Variants in FHIT observed in about 807,000 individuals in gnomAD.
The protein encoded by FHIT is bis(5'-adenosyl)-triphosphatase.
In FHIT, 19 loss-of-function variants were observed where a neutral mutation model predicts 17.9. The observed-to-expected ratio is 1.06, with a 90% confidence interval of 0.74 to 1.56. The LOEUF (loss-of-function observed/expected upper bound fraction) is 1.56, where lower values mean the gene tolerates loss of function less well. Ranked by LOEUF, FHIT falls within the 40% of genes most tolerant of loss-of-function variation. The pLI, the probability that FHIT is intolerant of heterozygous loss-of-function variation, is 0.00. For missense variants in FHIT, 248 were observed against 189.2 expected (o/e 1.31, Z -1.82); for synonymous variants, 81 against 69.7 (o/e 1.16, Z -0.81).
At chr3:60,387,279 C>A (rs1701050773) in intron 5 of FHIT, among the ~76,000 whole-genome samples, 1 of 152,100 alleles carries the variant, frequency 6.6e-6, no homozygotes, top group Non-Finnish European at 1.5e-5. Context: ...GTGTGAGCCA[C>A]CGTGCCCAGC....
intron 3 of FHIT, among the ~76,000 whole-genome samples, chr3:60,824,993 A>G (rs1702063877): frequency 6.6e-6 from 1 of 152,210 alleles, no homozygotes; most frequent in Non-Finnish European, 1.5e-5. Flanking sequence ...AAATGAAAAT[A>G]ATGGGATTCT....
chr3:60,669,813 G>A (rs1208558871), intron 4 of FHIT, among the ~76,000 whole-genome samples: 1 of 152,132 alleles, frequency 6.6e-6, no homozygotes, highest in Non-Finnish European at 1.5e-5. Flanking sequence ...AAAGCAAGCA[G>A]GAAGAGACCC....
At chr3:60,683,676 C>A (rs929647181) in intron 4 of FHIT, among the ~76,000 whole-genome samples, 1 of 152,162 alleles carries the variant, frequency 6.6e-6, no homozygotes, top group Non-Finnish European at 1.5e-5. Flanking sequence ...CATGCAGTAT[C>A]TCTGAGATAT....
At chr3:61,043,641 C>A (rs1294521631) in intron 2 of FHIT, among the ~76,000 whole-genome samples, 1 of 152,188 alleles carries the variant, frequency 6.6e-6, no homozygotes, top group Admixed American at 6.5e-5. Flanking sequence ...GGTTCTCCCA[C>A]CATGGAGTTT....
At chr3:61,136,233 C>A (rs1009973850) in intron 2 of FHIT, among the ~76,000 whole-genome samples, 1 of 151,870 alleles carries the variant, frequency 6.6e-6, no homozygotes. Flanking sequence ...CCCCACCCCC[C>A]TCACCCGACC....
intron 5 of FHIT, among the ~76,000 whole-genome samples, chr3:60,454,057 T>C (rs1281249027): frequency 6.6e-6 from 1 of 152,172 alleles, no homozygotes; most frequent in African/African-American, 2.4e-5. Context: ...GAGCTACTAA[T>C]CAAACCAGAA....
chr3:60,320,503 G>A (rs1364228296), intron 5 of FHIT, among the ~76,000 whole-genome samples: 1 of 152,134 alleles, frequency 6.6e-6, no homozygotes, highest in Non-Finnish European at 1.5e-5. Flanking sequence ...CAGCTGTAAC[G>A]CTAAACATAA....
intron 4 of FHIT, among the ~76,000 whole-genome samples, chr3:60,796,832 T>A (rs893929419): frequency 3.3e-5 from 5 of 152,190 alleles, no homozygotes; most frequent in Non-Finnish European, 7.4e-5. Flanking sequence ...TCTGCCCACC[T>A]CGGCCTCCCA....
rs528994090 is a variant in FHIT at position 61,122,164 on chromosome 3, C to T, written c.-164+78453G>A. Among the ~76,000 whole-genome samples, 96 of 152,170 alleles carry T rather than the reference C, an allele frequency of 6.3e-4. 1 individual carries two copies. The highest frequency in any genetic ancestry group is 2.7e-3 in the South Asian group (13 of 4,818). Reference sequence around the variant, plus strand: ...ACTGGTACCAAAACAGAGATATAGACCAATGGAACAGAACAGAGCCCTCAG... The same window carrying T: ...ACTGGTACCAAAACAGAGATATAGATCAATGGAACAGAACAGAGCCCTCAG... On this transcript the variant is annotated intron_variant, in intron 2 of 9. Transcript: ENST00000492590.
At position 60,074,495 on chromosome 3, in the gene FHIT, TATTCATTC is replaced by T. The variant is rs3884255; in HGVS notation, c.104-60351_104-60344del. Among the ~76,000 whole-genome samples, 164 of 151,884 alleles carry T rather than the reference TATTCATTC, an allele frequency of 1.1e-3. 3 individuals carry two copies. The South Asian group carries it at 0.031, about 29-fold the overall frequency. On this transcript the variant is annotated intron_variant, in intron 5 of 9. Transcript: ENST00000492590. Reference sequence around the variant, plus strand: ...AGACAGACACAAATTAAAATTTGCTTATTCATTCATTCATTCATTCATTCAGCAAATGT... The same window carrying T: ...AGACAGACACAAATTAAAATTTGCTTATTCATTCATTCATTCAGCAAATGT...
chr3:60,706,445 T>C (rs1225726646), intron 4 of FHIT, among the ~76,000 whole-genome samples: 2 of 152,176 alleles, frequency 1.3e-5, no homozygotes, highest in East Asian at 1.9e-4. Flanking sequence ...AAAAGTGGAA[T>C]CATGATTTTA....
chr3:60,490,076 G>A (rs781739403), intron 5 of FHIT, among the ~76,000 whole-genome samples: 4 of 152,130 alleles, frequency 2.6e-5, no homozygotes, highest in Middle Eastern at 3.4e-3. Flanking sequence ...GCTGTAACTC[G>A]GAATTAAACA....
intron 8 of FHIT, among the ~76,000 whole-genome samples, chr3:59,758,861 T>C (rs764834088): frequency 3.3e-5 from 5 of 152,058 alleles, no homozygotes; most frequent in Non-Finnish European, 5.9e-5. Flanking sequence ...AAAGGGTGAC[T>C]CAAGATGTGA....
chr3:60,495,209 T>A (rs2034249421), intron 5 of FHIT, among the ~76,000 whole-genome samples: 2 of 152,134 alleles, frequency 1.3e-5, no homozygotes, highest in South Asian at 4.1e-4. Flanking sequence ...TGATTTGCAT[T>A]TCTTTGATGA....
intron 4 of FHIT, among the ~76,000 whole-genome samples, chr3:60,678,478 G>A (rs1046899732): frequency 9.2e-5 from 14 of 152,032 alleles, no homozygotes; most frequent in Non-Finnish European, 5.9e-5. Flanking sequence ...ATTATATATC[G>A]CTGTTCAATA....
intron 7 of FHIT, among the ~76,000 whole-genome samples, chr3:60,001,975 G>A (rs577052607): frequency 2.6e-5 from 4 of 152,274 alleles, no homozygotes; most frequent in South Asian, 2.1e-4. Flanking sequence ...GGGGGAACAC[G>A]AACTGATATA....
At chr3:61,200,092 C>A (rs1306833053) in intron 2 of FHIT, among the ~76,000 whole-genome samples, 3 of 152,134 alleles carry the variant, frequency 2.0e-5, no homozygotes, top group Non-Finnish European at 2.9e-5. Context: ...TCCTGTAATT[C>A]ATTTAGGGCT....
intron 5 of FHIT, among the ~76,000 whole-genome samples, chr3:60,168,690 A>C (rs1490126595): frequency 1.3e-5 from 2 of 152,232 alleles, no homozygotes; most frequent in Non-Finnish European, 1.5e-5. Flanking sequence ...AGGGGACATT[A>C]TCCTGCGTTT....
intron 5 of FHIT, among the ~76,000 whole-genome samples, chr3:60,504,690 T>A (rs1244988913): frequency 6.6e-6 from 1 of 152,162 alleles, no homozygotes; most frequent in African/African-American, 2.4e-5. Context: ...AGAAAATAAT[T>A]AATTCAAAAG....
Sources: gnomAD v4.1 joint callset for allele counts (sites outside exome capture counted in the v4.1 genomes callset) on GRCh38, gnomAD v4.1.1 for gene constraint, MANE v1.5 for transcripts, NCBI Gene and HGNC (gene_info 2026-07-23, HGNC 2026-07-21) for gene names.